Variants in FHIP1B observed in about 807,000 individuals in gnomAD.
FHIP1B encodes FHF complex subunit HOOK-interacting protein 1B.
In FHIP1B, 28 loss-of-function variants were observed where a neutral mutation model predicts 82.2. The ratio of observed to expected loss-of-function variants is 0.34; its 90% CI spans 0.25 to 0.47. The LOEUF (loss-of-function observed/expected upper bound fraction) is 0.47, where lower values mean the gene tolerates loss of function less well. Among genes scored for constraint, FHIP1B ranks in the 20% least tolerant of loss-of-function variants. The probability of loss-of-function intolerance (pLI) is 1.00; values close to 1 mark genes in which losing one functional copy is unlikely to be tolerated. For synonymous variants in FHIP1B, 585 were observed against 516.1 expected, an observed-to-expected ratio of 1.13 and a Z score of -1.81; for missense variants, 1,110 against 1,262.6, an observed-to-expected ratio of 0.88 and a Z score of 1.83.
Position 6,215,693 on chromosome 11 carries a change from T to C in FHIP1B, c.2216-782A>G, listed in dbSNP as rs143198315. Among the ~76,000 whole-genome samples, 278 of 152,262 alleles carry C rather than the reference T, an allele frequency of 1.8e-3. 2 individuals carry two copies. The highest frequency in any genetic ancestry group is 6.5e-3 in the African/African-American group (268 of 41,542). On this transcript the variant is annotated intron_variant, in intron 9 of 11. Coordinates refer to ENST00000449352, the MANE Select transcript of FHIP1B (RefSeq NM_001098794.2). ...AGAAACTGACTGAGGACAGACTCTTTGGTGGGAGAGAAGGAAGGGAAAGGA... is the reference window on the plus strand; with the variant it reads ...AGAAACTGACTGAGGACAGACTCTTCGGTGGGAGAGAAGGAAGGGAAAGGA...
intron 6 of FHIP1B, 93 bp downstream of exon 6, chr11:6,222,349 G>T: frequency 7.1e-7 from 1 of 1,405,514 alleles, no homozygotes; most frequent in Non-Finnish European, 9.9e-7. Context: ...TGGAGATACA[G>T]GCAAAAGAAG....
chr11:6,219,483 T>A (rs1284027670), intron 6 of FHIP1B, among the ~76,000 whole-genome samples: 3 of 152,054 alleles, frequency 2.0e-5, no homozygotes, highest in Non-Finnish European at 2.9e-5. Flanking sequence ...TGCCTACCAA[T>A]AAGAAACTAG....
chr11:6,217,433 G>C lies in FHIP1B; in HGVS notation c.2153C>G (p.Pro718Arg). Residue 718 changes from proline (P) to arginine (R), a missense_variant, in exon 9 of 12, where the codon CCT becomes CGT. Physicochemically the swap from Pro to Arg is moderately radical, Grantham distance 103 (BLOSUM62 -2). This residue lies in a region of FHIP1B where 418 missense variants were observed against 371.4 expected (regional missense o/e 1.13). Coordinates refer to ENST00000449352, the MANE Select transcript of FHIP1B (RefSeq NM_001098794.2). Reference protein sequence around the residue: ...YESFTCPPEPPGPFLSSPLRT... With the variant: ...YESFTCPPEPRGPFLSSPLRT... ...CAAAGGGCTGCTGAGGAAGGGGCCA[G>C]GGGGCTCAGGGGGACAGGTGAAGCT... The C allele has an allele frequency of 6.2e-7, 1 of 1,614,060 alleles. No individual in the cohort carries two copies. The highest frequency in any genetic ancestry group is 8.5e-7 in the Non-Finnish European group (1 of 1,179,954).
rs1847712945 is a variant in FHIP1B, at chr11:6,232,048, G to A, written c.-192+2496C>T. On this transcript the variant is annotated intron_variant, in intron 1 of 11. Transcript: ENST00000449352. ...AGAGTGCCTGGCACAGAGCAGATATGGAATAAATGATTAACACAGTACCCT... is the reference window on the plus strand; with the variant it reads ...AGAGTGCCTGGCACAGAGCAGATATAGAATAAATGATTAACACAGTACCCT... 5.3e-5 allele frequency among the ~76,000 whole-genome samples: 8 copies of A among 152,080 alleles called. No individual in the cohort carries two copies. In the South Asian group the frequency reaches 1.7e-3, roughly 31 times the overall value.
At chr11:6,214,696 G>A (rs376414971) in intron 10 of FHIP1B, 37 bp downstream of exon 10, 2 of 1,547,394 alleles carry the variant, frequency 1.3e-6, no homozygotes, top group African/African-American at 2.7e-5. Context: ...GCCCACCACG[G>A]AGCCTGGACG....
Position 6,233,873 on chromosome 11 carries a change from TC to T in FHIP1B, c.-192+670del, listed in dbSNP as rs1590642899. Among the ~76,000 whole-genome samples, 5 of 152,298 alleles carry T rather than the reference TC, an allele frequency of 3.3e-5. 1 individual carries two copies. Among genetic ancestry groups the T allele is most frequent in the Admixed American group, 1.3e-4 (2 of 15,300 alleles). ...CAACTATGCAGTCCAGAGAAGGAAC[TC>T]GAAGGAACTGAAGTTTCTGTGATTA... is the stretch of plus-strand genomic sequence containing the variant. On this transcript the variant is annotated intron_variant, in intron 1 of 11. Coordinates refer to ENST00000449352, the MANE Select transcript of FHIP1B (RefSeq NM_001098794.2).
chr11:6,223,810 A>G lies in FHIP1B; in HGVS notation c.577T>C (p.Leu193=). Residue 193 remains leucine (L), a synonymous_variant, in exon 3 of 12, where the codon TTG becomes CTG. Coordinates refer to ENST00000449352, the MANE Select transcript of FHIP1B (RefSeq NM_001098794.2). The surrounding 1 kb of genome is among the most constrained non-coding windows in gnomAD (Gnocchi z 4.8). ...LCVCVAQEPS[L]LEFFLQPPPE... Reference sequence around the variant, plus strand: ...GGTGGCTGCAGGAAGAACTCGAGCAATGAAGGCTCCTGGGCCACACAAACA... The same window carrying G: ...GGTGGCTGCAGGAAGAACTCGAGCAGTGAAGGCTCCTGGGCCACACAAACA... 1 of 1,614,170 alleles carries G rather than the reference A, an allele frequency of 6.2e-7. No individual in the cohort carries two copies. Among genetic ancestry groups the G allele is most frequent in the South Asian group, 1.1e-5 (1 of 91,090 alleles).
Position 6,223,896 on chromosome 11 carries a change from C to T in FHIP1B, c.491G>A (p.Arg164His), listed in dbSNP as rs1258351667. ...ALLTLLDACG[R>H]PVPSSPALDE... Reference sequence around the variant, plus strand: ...CAGTGCTGGGCTACTGGGCACAGGGCGGCCACAGGCATCCAGCAGGGTGAG... The same window carrying T: ...CAGTGCTGGGCTACTGGGCACAGGGTGGCCACAGGCATCCAGCAGGGTGAG... Residue 164 changes from arginine to histidine, a missense_variant, in exon 3 of 12, where the codon CGC becomes CAC. By Grantham distance (29) the Arg-to-His change is conservative (BLOSUM62 0). Coordinates refer to ENST00000449352, the MANE Select transcript of FHIP1B (RefSeq NM_001098794.2). The surrounding 1 kb of genome is among the most constrained non-coding windows in gnomAD (Gnocchi z 4.8). 3.1e-6 allele frequency: 5 copies of T among 1,614,038 alleles called. No homozygotes were observed. The highest frequency in any genetic ancestry group is 1.7e-5 in the Admixed American group (1 of 60,016).
At chr11:6,222,337 G>T in intron 6 of FHIP1B, 105 bp downstream of exon 6, 2 of 1,280,928 alleles carry the variant, frequency 1.6e-6, no homozygotes, top group Admixed American at 1.9e-5. Flanking sequence ...TGAGGTGACT[G>T]CTGGAGATAC....
chr11:6,225,603 T>C (rs1212224329), intron 1 of FHIP1B, among the ~76,000 whole-genome samples: 1 of 152,176 alleles, frequency 6.6e-6, no homozygotes, highest in Non-Finnish European at 1.5e-5. Context: ...CAATAAATAT[T>C]CGTTGAACGT....
At chr11:6,222,303 T>G (rs1447551173) in intron 6 of FHIP1B, 139 bp downstream of exon 6, 1 of 914,552 alleles carries the variant, frequency 1.1e-6, no homozygotes, top group Non-Finnish European at 1.7e-6. Context: ...AGTTTAATGC[T>G]GGAAAGTTAA....
In FHIP1B at chr11:6,217,520, C is replaced by T. The variant is rs761129829; in HGVS notation, c.2066G>A (p.Gly689Glu). Residue 689 changes from glycine (G) to glutamate (E), a missense_variant, in exon 9 of 12, where the codon GGA becomes GAA. This residue lies in a region of FHIP1B where 418 missense variants were observed against 371.4 expected (regional missense o/e 1.13). Transcript: ENST00000449352. ...TTCTAAGGGGGACTCTGAGCCAGTTCCCCCATTGCTCAATGCCACCTCTAG... is the reference window on the plus strand; with the variant it reads ...TTCTAAGGGGGACTCTGAGCCAGTTTCCCCATTGCTCAATGCCACCTCTAG... ...RELEVALSNG[G>E]TGSESPLEPP... is the part of the protein sequence containing the mutation. 2.9e-5 allele frequency: 46 copies of T among 1,611,378 alleles called. No homozygotes were observed. Among genetic ancestry groups the T allele is most frequent in the Non-Finnish European group, 3.6e-5 (43 of 1,178,300 alleles).
intron 1 of FHIP1B, among the ~76,000 whole-genome samples, chr11:6,225,595 A>G (rs983679609): frequency 3.2e-4 from 48 of 152,202 alleles, no homozygotes; most frequent in African/African-American, 1.2e-3. Context: ...TAGGGACTCA[A>G]TAAATATTCG....
Position 6,224,400 on chromosome 11 carries a change from G to C in FHIP1B, c.117C>G (p.Val39=). Residue 39 remains valine (V), a synonymous_variant, in exon 2 of 12, where the codon GTC becomes GTG. Transcript: ENST00000449352. The part of the protein sequence containing the change: ...VMADPETCLM[V]FKNHWSQVVR... ...CTACCTGGGACCAGTGATTCTTGAA[G>C]ACCATGAGGCAGGTCTCGGGATCAG... 6.2e-7 allele frequency: 1 copy of C among 1,614,222 alleles called. No individual in the cohort carries two copies. The highest frequency in any genetic ancestry group is 8.5e-7 in the Non-Finnish European group (1 of 1,180,034).
At chr11:6,229,441 G>T (rs539322305) in intron 1 of FHIP1B, among the ~76,000 whole-genome samples, 1 of 152,108 alleles carries the variant, frequency 6.6e-6, no homozygotes. Flanking sequence ...TGACCCAAGT[G>T]CCCATATCTC....
At position 6,222,563 on chromosome 11, in the gene FHIP1B, A is replaced by G; in HGVS notation, c.1070T>C (p.Phe357Ser). ...AGCAGGCTCTGAGATACTCCGTAGG[A>G]AAAGTTCCAGATAGGCGGTACTGGC... is the stretch of plus-strand genomic sequence containing the variant. ...MIASTAYLEL[F>S]LRSISEPALL... is the part of the protein sequence containing the mutation. The change falls in exon 6 of 12, where the codon TTC becomes TCC. Residue 357 changes from phenylalanine (F) to serine (S), a missense_variant. Around this residue, in one of 6 missense-constraint regions of FHIP1B, gnomAD observed 467 missense variants for 602.9 expected, o/e 0.77. Transcript: ENST00000449352. 2 of 1,614,168 alleles carry G rather than the reference A, an allele frequency of 1.2e-6. No homozygotes were observed. Among genetic ancestry groups the G allele is most frequent in the Non-Finnish European group, 1.7e-6 (2 of 1,180,018 alleles).
chr11:6,232,898 C>G (rs569667916), intron 1 of FHIP1B, among the ~76,000 whole-genome samples: 4 of 151,884 alleles, frequency 2.6e-5, no homozygotes, highest in Non-Finnish European at 5.9e-5. Context: ...ACTGCATCAA[C>G]GAAAGAGCAC....
intron 9 of FHIP1B, 155 bp from the exon 10 acceptor site, chr11:6,215,066 G>C: frequency 1.5e-6 from 1 of 653,666 alleles, no homozygotes; most frequent in East Asian, 3.2e-5. Context: ...ACCTATTCTG[G>C]AGGAAATAAG....
At position 6,218,588 on chromosome 11, in the gene FHIP1B, T is replaced by C. The variant is rs1487302294; in HGVS notation, c.1435+12A>G. The C allele has an allele frequency of 6.2e-7, 1 of 1,613,960 alleles. No homozygotes were observed. Among genetic ancestry groups the C allele is most frequent in the African/African-American group, 1.3e-5 (1 of 74,896 alleles). ...ATGTCCTCCCTTCTCCCTGTCTCTC[T>C]GCTAGGCCCACCTCGTGCCCATGAG... On this transcript the variant is annotated intron_variant, in intron 8 of 11. Transcript: ENST00000449352.
Sources: gnomAD v4.1 joint callset for allele counts (sites outside exome capture counted in the v4.1 genomes callset) on GRCh38, gnomAD v4.1.1 for gene constraint, gnomAD v4.1.1 regional missense constraint, Gnocchi (gnomAD v3.1) non-coding constraint, MANE v1.5 for transcripts, NCBI Gene and HGNC (gene_info 2026-07-23, HGNC 2026-07-21) for gene names.